PRKCB: variants seen among roughly 807,000 people sequenced by gnomAD.
The protein encoded by PRKCB is protein kinase C beta.
A neutral mutation model predicts 81.5 loss-of-function variants in PRKCB; 13 were observed. The observed-to-expected ratio is 0.16, with a 90% CI of 0.10 to 0.25. The LOEUF (loss-of-function observed/expected upper bound fraction) is 0.25, where lower values mean the gene tolerates loss of function less well. Among genes scored for constraint, PRKCB ranks in the 10% least tolerant of loss-of-function variants. The probability of loss-of-function intolerance (pLI) is 1.00; values close to 1 mark genes in which losing one functional copy is unlikely to be tolerated. For synonymous variants in PRKCB, 335 were observed against 321.4 expected, an observed-to-expected ratio of 1.04 and a Z score of -0.45; for missense variants, 509 against 875.7, an observed-to-expected ratio of 0.58 and a Z score of 5.29.
At chr16:24,203,195 C>A (rs1300835773) in intron 16 of PRKCB, 2 of 151,406 alleles carry the variant, frequency 1.3e-5, no homozygotes. Context: ...GCTGCAGACT[C>A]GACCTCCCAG....
chr16:24,199,885 A>G (rs1967932184), intron 16 of PRKCB, among the ~76,000 whole-genome samples: 1 of 152,232 alleles, frequency 6.6e-6, no homozygotes, highest in Admixed American at 6.5e-5. Flanking sequence ...AAAGATTATT[A>G]GAAGCACTTG....
chr16:24,109,069 C>G (rs113009841), intron 7 of PRKCB, among the ~76,000 whole-genome samples: 1 of 116,864 alleles, frequency 8.6e-6, no homozygotes, highest in Non-Finnish European at 1.9e-5. Flanking sequence ...GGCGGCTGGC[C>G]GGGCAGAGGG....
At position 24,008,815 on chromosome 16, in the gene PRKCB, T is replaced by G. The variant is rs74015227; in HGVS notation, c.288+20225T>G. ...ATCTCTGGGGCTTATTCATCATGCT[T>G]GACTGAAACTTGATGCCCATTGGTA... On this transcript the variant is annotated intron_variant, in intron 3 of 16. Coordinates refer to ENST00000643927, the MANE Select transcript of PRKCB (RefSeq NM_002738.7). Among the ~76,000 whole-genome samples the G allele has an allele frequency of 4.8e-3, 736 of 152,346 alleles. 4 individuals carry two copies. Among genetic ancestry groups the G allele is most frequent in the African/African-American group, 0.017 (705 of 41,580 alleles).
At chr16:24,122,178 G>C in intron 8 of PRKCB, among the ~76,000 whole-genome samples, 1 of 152,168 alleles carries the variant, frequency 6.6e-6, no homozygotes, top group Non-Finnish European at 1.5e-5. Flanking sequence ...AGAGGTGAGA[G>C]AGTTCTGGGG....
intron 9 of PRKCB, chr16:24,151,739 G>A (rs1411401864): frequency 4.4e-6 from 2 of 450,628 alleles, no homozygotes; most frequent in Non-Finnish European, 9.0e-6. Flanking sequence ...GCTTTCAAGA[G>A]CCACTGAAGG....
chr16:24,185,882 G>A (rs1359446854), intron 15 of PRKCB, among the ~76,000 whole-genome samples: 1 of 152,236 alleles, frequency 6.6e-6, no homozygotes, highest in Non-Finnish European at 1.5e-5. Flanking sequence ...TTGTCAAAGA[G>A]CTGGAAGTCA....
chr16:24,136,096 GT>G (rs1555498950), intron 9 of PRKCB, among the ~76,000 whole-genome samples: 240 of 118,072 alleles, frequency 2.0e-3, no homozygotes, highest in Middle Eastern at 8.2e-3. Flanking sequence ...ATTGCAGCGT[GT>G]TTTTTTTTTT....
At chr16:23,998,744 C>G (rs1294256974) in intron 3 of PRKCB, among the ~76,000 whole-genome samples, 2 of 152,170 alleles carry the variant, frequency 1.3e-5, no homozygotes, top group Admixed American at 1.3e-4. Flanking sequence ...CAATGAATAA[C>G]AGTGCACACA....
intron 2 of PRKCB, among the ~76,000 whole-genome samples, chr16:23,910,126 T>C (rs575381372): frequency 6.6e-6 from 1 of 152,210 alleles, no homozygotes; most frequent in African/African-American, 2.4e-5. Context: ...ACCTTCCTCT[T>C]TACTTGTCCC....
chr16:23,952,836 G>A (rs754442241), intron 2 of PRKCB, among the ~76,000 whole-genome samples: 2 of 152,196 alleles, frequency 1.3e-5, no homozygotes, highest in African/African-American at 4.8e-5. Flanking sequence ...CACTGTACAC[G>A]AATCTGGATG....
chr16:24,011,342 C>T (rs1338930388), intron 3 of PRKCB, among the ~76,000 whole-genome samples: 1 of 152,002 alleles, frequency 6.6e-6, no homozygotes, highest in Non-Finnish European at 1.5e-5. Flanking sequence ...TAAACAATTC[C>T]TTCTGATACT....
chr16:24,197,353 T>C (rs1392383546), intron 16 of PRKCB, among the ~76,000 whole-genome samples: 2 of 149,518 alleles, frequency 1.3e-5, no homozygotes, highest in African/African-American at 2.5e-5. Context: ...ATGAGGGAGG[T>C]GGGAGCCATG....
intron 10 of PRKCB, among the ~76,000 whole-genome samples, chr16:24,165,728 AT>A (rs1296368811): frequency 6.6e-6 from 1 of 152,164 alleles, no homozygotes; most frequent in Non-Finnish European, 1.5e-5. Flanking sequence ...GAGAGGATGA[AT>A]TTCCATTTAT....
intron 16 of PRKCB, among the ~76,000 whole-genome samples, chr16:24,196,630 G>T (rs1454230832): frequency 6.6e-6 from 1 of 152,188 alleles, no homozygotes; most frequent in African/African-American, 2.4e-5. Context: ...CGAGTCACCT[G>T]GGTATCTGGC....
intron 2 of PRKCB, among the ~76,000 whole-genome samples, chr16:23,904,946 T>C (rs1567308726): frequency 6.6e-6 from 1 of 152,170 alleles, no homozygotes; most frequent in Admixed American, 6.5e-5. Flanking sequence ...CGTATTGTCA[T>C]GGAAAAGGCC....
At chr16:23,908,624 C>T (rs781022506) in intron 2 of PRKCB, among the ~76,000 whole-genome samples, 20 of 152,096 alleles carry the variant, frequency 1.3e-4, no homozygotes, top group Admixed American at 4.6e-4. Flanking sequence ...CTCCGCCTCC[C>T]GGGTTCATGC....
intron 2 of PRKCB, among the ~76,000 whole-genome samples, chr16:23,896,887 T>A (rs930144614): frequency 7.0e-5 from 4 of 56,960 alleles, no homozygotes; most frequent in African/African-American, 2.5e-4. Flanking sequence ...CATCCAACCA[T>A]CCATCCATCC....
At chr16:23,836,425 C>T in intron 1 of PRKCB, 77 bp downstream of exon 1, 1 of 1,440,536 alleles carries the variant, frequency 6.9e-7, no homozygotes, top group Non-Finnish European at 9.1e-7. Context: ...TCCGCGCCCT[C>T]TGCGCCCTCC....
chr16:23,942,383 A>C (rs1964150384), intron 2 of PRKCB, among the ~76,000 whole-genome samples: 2 of 152,230 alleles, frequency 1.3e-5, no homozygotes, highest in African/African-American at 4.8e-5. Flanking sequence ...AATATGTTTC[A>C]GGCAAAATGT....
Sources: gnomAD v4.1 joint callset for allele counts (sites outside exome capture counted in the v4.1 genomes callset) on GRCh38, gnomAD v4.1.1 for gene constraint, MANE v1.5 for transcripts, NCBI Gene and HGNC (gene_info 2026-07-23, HGNC 2026-07-21) for gene names.